Variants in AGA observed in about 807,000 individuals in gnomAD.
AGA encodes the protein aspartylglucosaminidase, also known as N(4)-(beta-N-acetylglucosaminyl)-L-asparaginase.
Under a neutral mutation model 40.1 loss-of-function variants are expected in AGA, and 31 were observed. The ratio of observed to expected loss-of-function variants is 0.77; its 90% CI spans 0.58 to 1.04. The LOEUF (loss-of-function observed/expected upper bound fraction) is 1.04, where lower values mean the gene tolerates loss of function less well. Ranked by LOEUF, AGA falls within the 50% of genes least tolerant of loss-of-function variation. The pLI, the probability that AGA is intolerant of heterozygous loss-of-function variation, is 0.00. For missense variants in AGA, 445 were observed against 435.4 expected (o/e 1.02, Z -0.20); for synonymous variants, 148 against 144.0 (o/e 1.03, Z -0.20).
chr4:177,430,890 T>C lies in AGA; in HGVS notation c.*818A>G. 1 of 453,904 alleles carries C rather than the reference T, an allele frequency of 2.2e-6. No homozygotes were observed. Among genetic ancestry groups the C allele is most frequent in the Non-Finnish European group, 4.4e-6 (1 of 226,736 alleles). The allele number at this position is 453,904 out of a possible 1,614,324, so 28.1% of individuals were successfully genotyped here. On this transcript the variant is annotated 3_prime_UTR_variant, in exon 9 of 9. Coordinates refer to ENST00000264595, the MANE Select transcript of AGA (RefSeq NM_000027.4). ...TTCTGTAGAGTTGTCATACAGAGAGTTAATCAGAAGTTAGGGAAACAAACC... is the reference window on the plus strand; with the variant it reads ...TTCTGTAGAGTTGTCATACAGAGAGCTAATCAGAAGTTAGGGAAACAAACC...
intron 7 of AGA, among the ~76,000 whole-genome samples, chr4:177,433,628 A>G (rs531997814): frequency 1.3e-5 from 2 of 152,254 alleles, no homozygotes; most frequent in African/African-American, 4.8e-5. Context: ...GTCAAATGTA[A>G]TGGCCAGAAC....
chr4:177,431,031 T>C lies in AGA; in HGVS notation c.*677A>G. On this transcript the variant is annotated 3_prime_UTR_variant, in exon 9 of 9. Coordinates refer to ENST00000264595, the MANE Select transcript of AGA (RefSeq NM_000027.4). ...AATCATTTTTAAAAGAAACGATCAA[T>C]ACTAAATATTAGCAGCTAAAACATC... The C allele has an allele frequency of 2.2e-6, 1 of 454,064 alleles. No individual in the cohort carries two copies. The highest frequency in any genetic ancestry group is 4.4e-6 in the Non-Finnish European group (1 of 226,774). 28.1% of individuals were successfully genotyped at this position (454,064 alleles called of 1,614,324 possible).
Position 177,430,871 on chromosome 4 carries a change from AGAGTT to A in AGA, c.*832_*836del. 6.6e-6 allele frequency: 3 copies of A among 454,118 alleles called. No homozygotes were observed. The highest frequency in any genetic ancestry group is 4.7e-5 in the South Asian group (3 of 64,478). The allele number at this position is 454,118 out of a possible 1,614,324, so 28.1% of individuals were successfully genotyped here. A position where few individuals can be genotyped will look rare whatever the true frequency, so the allele number is the denominator to read the frequency against. On this transcript the variant is annotated 3_prime_UTR_variant, in exon 9 of 9. Transcript: ENST00000264595. ...GAGAAAGCACGCGCACAACTTCTGT[AGAGTT>A]GTCATACAGAGAGTTAATCAGAAGT...
chr4:177,442,414 G>A lies in AGA; in HGVS notation c.-39C>T. The A allele has an allele frequency of 3.1e-6, 5 of 1,613,364 alleles. No homozygotes were observed. The highest frequency in any genetic ancestry group is 2.2e-5 in the East Asian group (1 of 44,846). On this transcript the variant is annotated 5_prime_UTR_variant, in exon 1 of 9. Transcript: ENST00000264595. ...AGAGACCAGCGCGAGAAAAGTCCCG[G>A]CAGCCAGCGATCGCCGAACAATTAA...
Position 177,431,814 on chromosome 4 carries a change from G to T in AGA, c.941-6C>A. The T allele has an allele frequency of 6.2e-7, 1 of 1,611,386 alleles. No homozygotes were observed. Among genetic ancestry groups the T allele is most frequent in the South Asian group, 1.1e-5 (1 of 90,978 alleles). ...AAGTTTATTGCAAGCAGCACCTGGGGCCAAAAATGAGAAAGAAGTTTGGTG... is the reference window on the plus strand; with the variant it reads ...AAGTTTATTGCAAGCAGCACCTGGGTCCAAAAATGAGAAAGAAGTTTGGTG... On this transcript the variant is annotated splice_region_variant and splice_polypyrimidine_tract_variant and intron_variant, in intron 8 of 8. Coordinates refer to ENST00000264595, the MANE Select transcript of AGA (RefSeq NM_000027.4).
chr4:177,439,845 C>G lies in AGA; in HGVS notation c.282-157G>C, dbSNP rs148778262. Among the ~76,000 whole-genome samples, 1,181 of 115,832 alleles carry G rather than the reference C, an allele frequency of 0.01. 26 individuals carry two copies. The highest frequency in any genetic ancestry group is 0.066 in the Admixed American group (661 of 9,960). 76.0% of individuals were successfully genotyped at this position (115,832 alleles called of 152,430 possible). A position where few individuals can be genotyped will look rare whatever the true frequency, so the allele number is the denominator to read the frequency against. On this transcript the variant is annotated intron_variant, in intron 2 of 8. Transcript: ENST00000264595. ...TCCACGAAGTTCATATAGATTCCCA[C>G]AATCAGACAAAATTAAGGAAAAAAA...
Position 177,437,333 on chromosome 4 carries a change from A to C in AGA, c.622+72T>G. The stretch of plus-strand genomic sequence containing the variant: ...ACAATCAAAATCAACTTCTGGTAGA[A>C]GAATAGGGAAGAGCTACAGGAAGAT... On this transcript the variant is annotated intron_variant, in intron 5 of 8. Transcript: ENST00000264595. 2.9e-6 allele frequency: 3 copies of C among 1,041,128 alleles called. No individual in the cohort carries two copies. In the South Asian group the frequency reaches 3.9e-5, roughly 14 times the overall value. 64.5% of individuals were successfully genotyped at this position (1,041,128 alleles called of 1,614,324 possible). A position where few individuals can be genotyped will look rare whatever the true frequency, so the allele number is the denominator to read the frequency against.
intron 1 of AGA, among the ~76,000 whole-genome samples, chr4:177,441,413 T>G (rs796551379): frequency 1.6e-4 from 24 of 152,112 alleles, no homozygotes; most frequent in African/African-American, 5.8e-4. Context: ...GGTCTGAAAA[T>G]GACTCTTCTG....
chr4:177,437,310 A>G (rs1385309057), intron 5 of AGA, 95 bp downstream of exon 5: 2 of 877,202 alleles, frequency 2.3e-6, no homozygotes, highest in Non-Finnish European at 3.8e-6. Flanking sequence ...CAGTTAAAAC[A>G]ATCAAAATCA....
chr4:177,442,383 C>A lies in AGA; in HGVS notation c.-8G>T. On this transcript the variant is annotated 5_prime_UTR_variant, in exon 1 of 9. Coordinates refer to ENST00000264595, the MANE Select transcript of AGA (RefSeq NM_000027.4). ...GTTCGACTTCCGCGCCATCCCTGACCACCGAAGAGACCAGCGCGAGAAAAG... is the reference window on the plus strand; with the variant it reads ...GTTCGACTTCCGCGCCATCCCTGACAACCGAAGAGACCAGCGCGAGAAAAG... The A allele has an allele frequency of 6.2e-7, 1 of 1,614,014 alleles. No homozygotes were observed. Among genetic ancestry groups the A allele is most frequent in the Non-Finnish European group, 8.5e-7 (1 of 1,179,922 alleles).
intron 8 of AGA, 103 bp from the exon 9 acceptor site, chr4:177,431,911 C>T (rs1416655297): frequency 1.1e-6 from 1 of 943,404 alleles, no homozygotes; most frequent in Admixed American, 2.0e-5. Flanking sequence ...TACTGTATAC[C>T]TTATGTCTAA....
chr4:177,435,452 C>T (rs1474000137), intron 6 of AGA, among the ~76,000 whole-genome samples: 2 of 152,150 alleles, frequency 1.3e-5, no homozygotes, highest in Non-Finnish European at 2.9e-5. Flanking sequence ...TATTACCATC[C>T]TTTATCATCT....
At chr4:177,435,076 A>T (rs74833043) in intron 6 of AGA, among the ~76,000 whole-genome samples, 1 of 146,018 alleles carries the variant, frequency 6.8e-6, no homozygotes, top group African/African-American at 2.5e-5. Flanking sequence ...AATTTTTTGT[A>T]TTTTTTTTTT....
At chr4:177,437,043 A>G (rs1736846237) in intron 5 of AGA, 1 of 282,422 alleles carries the variant, frequency 3.5e-6, no homozygotes, top group Non-Finnish European at 6.8e-6. Flanking sequence ...AGTCTGTGGT[A>G]GTCTGTTATA....
At chr4:177,441,585 G>C (rs926630621) in intron 1 of AGA, among the ~76,000 whole-genome samples, 1 of 152,164 alleles carries the variant, frequency 6.6e-6, no homozygotes, top group Non-Finnish European at 1.5e-5. Context: ...TGATACCTTA[G>C]CTTAGTGGTT....
intron 6 of AGA, among the ~76,000 whole-genome samples, chr4:177,435,394 C>T (rs1288440287): frequency 6.6e-6 from 1 of 152,174 alleles, no homozygotes; most frequent in Non-Finnish European, 1.5e-5. Context: ...AACTTGTTAT[C>T]AGCCAGGTAT....
chr4:177,439,616 T>C lies in AGA; in HGVS notation c.354A>G (p.Val118=). 1.9e-6 allele frequency: 3 copies of C among 1,614,108 alleles called. No homozygotes were observed. The highest frequency in any genetic ancestry group is 2.5e-6 in the Non-Finnish European group (3 of 1,179,976). ...IKNAIGVARK[V]LEHTTHTLLV... ...AAAGTGTGTGTGTTGTATGTTCCAG[T>C]ACTTTCCGTGCCACACCAATAGCAT... Residue 118 remains valine, a synonymous_variant, in exon 3 of 9, where the codon GTA becomes GTG. Coordinates refer to ENST00000264595, the MANE Select transcript of AGA (RefSeq NM_000027.4).
chr4:177,435,904 A>G (rs371454538), intron 6 of AGA, among the ~76,000 whole-genome samples: 4 of 151,336 alleles, frequency 2.6e-5, no homozygotes, highest in East Asian at 3.9e-4. Context: ...GGGAGTTCTG[A>G]ACACATGCAC....
Position 177,433,235 on chromosome 4 carries a change from C to G in AGA, c.919G>C (p.Ala307Pro). 1 of 1,614,068 alleles carries G rather than the reference C, an allele frequency of 6.2e-7. No homozygotes were observed. Among genetic ancestry groups the G allele is most frequent in the Non-Finnish European group, 8.5e-7 (1 of 1,179,988 alleles). Reference protein sequence around the residue: ...FPEFFGAVICANVTGSYGAAC... With the variant: ...FPEFFGAVICPNVTGSYGAAC... ...TTACCGTAACTTCCAGTCACATTGG[C>G]ACATATAACAGCCCCAAAGAATTCT... Residue 307 changes from alanine (A) to proline (P), a missense_variant, in exon 8 of 9, where the codon GCC becomes CCC. By Grantham distance (27) the Ala-to-Pro change is conservative (BLOSUM62 -1). Coordinates refer to ENST00000264595, the MANE Select transcript of AGA (RefSeq NM_000027.4).
Sources: allele counts gnomAD v4.1 joint callset (sites outside exome capture counted in the v4.1 genomes callset), GRCh38; gene constraint gnomAD v4.1.1; transcripts MANE v1.5; gene names NCBI Gene and HGNC (gene_info 2026-07-23, HGNC 2026-07-21).